The following BMAL1 variants were observed in gnomAD, a reference collection of about 807,000 sequenced individuals.
BMAL1 encodes the protein basic helix-loop-helix ARNT-like protein 1.
the BMAL1 span, chr11:13,386,744 A>G: frequency 2.5e-4 from 397 of 1,614,118 alleles, 2 homozygotes; most frequent in African/African-American, 4.9e-3. Flanking sequence ...GTGACTTGCC[A>G]TGGCCGCTGT....
chr11:13,330,886 T>G, the BMAL1 span, among the ~76,000 whole-genome samples: 7 of 152,228 alleles, frequency 4.6e-5, no homozygotes, highest in African/African-American at 1.7e-4. Context: ...CACGTAGTCA[T>G]GAAGAGACAT....
the BMAL1 span, among the ~76,000 whole-genome samples, chr11:13,280,634 T>C: frequency 6.6e-6 from 1 of 152,226 alleles, no homozygotes; most frequent in South Asian, 2.1e-4. Flanking sequence ...TTTCTAGACC[T>C]TGAGGTTTCG....
At chr11:13,318,544 GTTTTTTTTT>G in the BMAL1 span, among the ~76,000 whole-genome samples, 3 of 49,320 alleles carry the variant, frequency 6.1e-5, no homozygotes, top group Non-Finnish European at 1.1e-4. Context: ...AAGACACTTA[GTTTTTTTTT>G]TTTTTTTTTT....
the BMAL1 span, among the ~76,000 whole-genome samples, chr11:13,338,378 T>G: frequency 3.9e-5 from 6 of 152,218 alleles, no homozygotes; most frequent in East Asian, 1.2e-3. Flanking sequence ...TTCCTCCAAG[T>G]GCACTTGCCA....
At chr11:13,291,271 A>T in the BMAL1 span, among the ~76,000 whole-genome samples, 2 of 152,234 alleles carry the variant, frequency 1.3e-5, no homozygotes, top group Admixed American at 6.5e-5. Context: ...TTGTTTAGTC[A>T]TCATCACAAC....
chr11:13,292,560 T>TA, the BMAL1 span, among the ~76,000 whole-genome samples: 1 of 145,248 alleles, frequency 6.9e-6, no homozygotes, highest in Admixed American at 6.9e-5. Flanking sequence ...AAAAAAAAAA[T>TA]AAAATAAAAT....
the BMAL1 span, among the ~76,000 whole-genome samples, chr11:13,327,234 G>GAAA: frequency 2.3e-4 from 24 of 105,030 alleles, no homozygotes; most frequent in South Asian, 8.6e-4. Context: ...TCTCTTTTAT[G>GAAA]AAAAAAAAAA....
chr11:13,365,241 T>A, the BMAL1 span, among the ~76,000 whole-genome samples: 38 of 151,860 alleles, frequency 2.5e-4, no homozygotes, highest in African/African-American at 6.5e-4. Flanking sequence ...TAACTTACTT[T>A]AATTGGACTT....
chr11:13,378,518 T>C, the BMAL1 span: 8 of 1,547,598 alleles, frequency 5.2e-6, no homozygotes, highest in Admixed American at 2.0e-5. Context: ...CCCCAGGCAA[T>C]ATTTTGCAAT....
the BMAL1 span, among the ~76,000 whole-genome samples, chr11:13,361,161 G>C: frequency 1.3e-5 from 2 of 152,080 alleles, no homozygotes; most frequent in Non-Finnish European, 2.9e-5. Flanking sequence ...AAATGCAAGA[G>C]ATATATGCTT....
chr11:13,336,318 G>A, the BMAL1 span, among the ~76,000 whole-genome samples: 3 of 151,764 alleles, frequency 2.0e-5, no homozygotes, highest in Non-Finnish European at 2.9e-5. Context: ...ATTTAAAAGC[G>A]TCCCCATATA....
chr11:13,347,683 C>CA, the BMAL1 span, among the ~76,000 whole-genome samples: 96,625 of 151,416 alleles, frequency 0.64, 31,361 homozygotes, highest in Non-Finnish European at 0.71. Context: ...CTCCTCTCTA[C>CA]AAAAAATATA....
At chr11:13,343,810 A>G in the BMAL1 span, among the ~76,000 whole-genome samples, 11 of 152,102 alleles carry the variant, frequency 7.2e-5, no homozygotes, top group African/African-American at 2.7e-4. Flanking sequence ...ACTCTCCTCT[A>G]TCAACGATAT....
chr11:13,304,272 CG>C, the BMAL1 span, among the ~76,000 whole-genome samples: 37 of 152,080 alleles, frequency 2.4e-4, no homozygotes, highest in African/African-American at 8.0e-4. Context: ...GGCCCTGAGC[CG>C]GGGTGGTAGA....
the BMAL1 span, chr11:13,376,687 C>T: frequency 6.2e-7 from 1 of 1,614,110 alleles, no homozygotes; most frequent in Non-Finnish European, 8.5e-7. Context: ...CAGCTCACAG[C>T]ATCCCCCCAC....
the BMAL1 span, chr11:13,277,883 C>CCGAGTG: frequency 6.6e-6 from 1 of 151,832 alleles, no homozygotes; most frequent in Non-Finnish European, 1.5e-5. Flanking sequence ...GCCGCGGGAT[C>CCGAGTG]CGAGTGCGGG....
chr11:13,371,857 G>T, the BMAL1 span, among the ~76,000 whole-genome samples: 1 of 152,056 alleles, frequency 6.6e-6, no homozygotes, highest in African/African-American at 2.4e-5. Flanking sequence ...CATCCTTCTT[G>T]ATCCACCTCC....
the BMAL1 span, among the ~76,000 whole-genome samples, chr11:13,285,387 A>G: frequency 6.6e-6 from 1 of 152,228 alleles, no homozygotes; most frequent in East Asian, 1.9e-4. Context: ...AGGAGGGGAC[A>G]GATGATGAAT....
the BMAL1 span, among the ~76,000 whole-genome samples, chr11:13,300,321 A>G: frequency 1.3e-4 from 20 of 152,230 alleles, no homozygotes; most frequent in African/African-American, 4.8e-4. Context: ...ATTAGTTGGC[A>G]TTTGTCTAGC....
Sources: allele counts gnomAD v4.1 joint callset (sites outside exome capture counted in the v4.1 genomes callset), GRCh38; gene constraint gnomAD v4.1.1; transcripts MANE v1.5; gene names NCBI Gene and HGNC (gene_info 2026-07-23, HGNC 2026-07-21).